SYN3: variants seen among roughly 807,000 people sequenced by gnomAD.
The protein encoded by SYN3 is synapsin III.
SYN3 carries 35 observed loss-of-function variants against 65.8 expected under a neutral mutation model. The ratio of observed to expected loss-of-function variants is 0.53; its 90% CI spans 0.41 to 0.70. The LOEUF (loss-of-function observed/expected upper bound fraction) is 0.70, where lower values mean the gene tolerates loss of function less well. Ranked by LOEUF, SYN3 falls within the 30% of genes least tolerant of loss-of-function variation. The pLI is 0.00. For missense variants in SYN3, 680 were observed against 749.0 expected, an observed-to-expected ratio of 0.91 and a Z score of 1.08; for synonymous variants, 270 against 292.9, an observed-to-expected ratio of 0.92 and a Z score of 0.80.
intron 2 of SYN3, among the ~76,000 whole-genome samples, chr22:32,999,257 C>A (rs546973856): frequency 1.4e-4 from 21 of 152,228 alleles, no homozygotes; most frequent in African/African-American, 4.8e-4. Context: ...GACACCTGAG[C>A]AGGATTTCAA....
intron 3 of SYN3, among the ~76,000 whole-genome samples, chr22:32,948,231 A>G (rs1216196980): frequency 6.6e-6 from 1 of 152,186 alleles, no homozygotes; most frequent in African/African-American, 2.4e-5. Flanking sequence ...CTTAAGGTCC[A>G]TAACTGTAAT....
At chr22:32,791,754 G>A (rs1186168346) in intron 6 of SYN3, among the ~76,000 whole-genome samples, 1 of 151,876 alleles carries the variant, frequency 6.6e-6, no homozygotes, top group Admixed American at 6.6e-5. Flanking sequence ...GGATGGCAAC[G>A]ATGATCTCAT....
chr22:32,769,014 C>T (rs932040904), intron 6 of SYN3, among the ~76,000 whole-genome samples: 4 of 152,308 alleles, frequency 2.6e-5, no homozygotes, highest in Middle Eastern at 3.4e-3. Context: ...TTCACTTGTG[C>T]TCTAGGTATC....
chr22:32,575,547 A>G (rs900786615), intron 7 of SYN3, among the ~76,000 whole-genome samples: 8 of 152,164 alleles, frequency 5.3e-5, no homozygotes, highest in African/African-American at 1.7e-4. Context: ...CTTTTAGCTG[A>G]GGCCACATTT....
intron 6 of SYN3, among the ~76,000 whole-genome samples, chr22:32,840,585 G>C (rs130303): frequency 0.18 from 27,458 of 151,606 alleles, 2,976 homozygotes; most frequent in East Asian, 0.33. Flanking sequence ...CTCTGGCTTT[G>C]CTCAGAGCCC....
chr22:32,713,051 T>C (rs540543237), intron 6 of SYN3, among the ~76,000 whole-genome samples: 49 of 152,312 alleles, frequency 3.2e-4, no homozygotes, highest in African/African-American at 1.2e-3. Flanking sequence ...GTATTTTTTT[T>C]CCCTTTTTTG....
At chr22:32,947,218 A>G (rs1479776148) in intron 3 of SYN3, among the ~76,000 whole-genome samples, 1 of 152,136 alleles carries the variant, frequency 6.6e-6, no homozygotes, top group Non-Finnish European at 1.5e-5. Flanking sequence ...AATTATGTCC[A>G]TGGTCTATTT....
At chr22:32,659,796 G>A in intron 6 of SYN3, among the ~76,000 whole-genome samples, 1 of 152,178 alleles carries the variant, frequency 6.6e-6, no homozygotes, top group Non-Finnish European at 1.5e-5. Context: ...CAGGTGGCAA[G>A]TTGGCCCGCC....
chr22:32,822,467 G>A (rs943339518), intron 6 of SYN3, among the ~76,000 whole-genome samples: 3 of 152,198 alleles, frequency 2.0e-5, no homozygotes, highest in South Asian at 2.1e-4. Context: ...CTGGTGTGAC[G>A]TCTGGGGAGG....
chr22:32,585,596 G>A (rs1008787690), intron 7 of SYN3, among the ~76,000 whole-genome samples: 2 of 152,174 alleles, frequency 1.3e-5, no homozygotes, highest in Non-Finnish European at 2.9e-5. Context: ...GCTCTTTCCA[G>A]TGAACCAAGG....
chr22:32,870,270 G>A (rs1018404651), intron 4 of SYN3, among the ~76,000 whole-genome samples: 4 of 152,074 alleles, frequency 2.6e-5, no homozygotes, highest in African/African-American at 9.7e-5. Context: ...TTGATCCAAT[G>A]ATCAATTTCA....
chr22:32,962,089 G>C (rs551784749), intron 3 of SYN3, among the ~76,000 whole-genome samples: 24 of 149,880 alleles, frequency 1.6e-4, no homozygotes, highest in Non-Finnish European at 3.1e-4. Context: ...AAATACTATA[G>C]AGGAGTCAGT....
At chr22:32,815,267 GC>G (rs2047058102) in intron 6 of SYN3, among the ~76,000 whole-genome samples, 1 of 152,186 alleles carries the variant, frequency 6.6e-6, no homozygotes, top group African/African-American at 2.4e-5. Flanking sequence ...TAACTTCTAG[GC>G]CTTGTGGGTC....
chr22:32,955,072 G>A (rs9609667), intron 3 of SYN3, among the ~76,000 whole-genome samples: 4 of 150,946 alleles, frequency 2.6e-5, no homozygotes, highest in African/African-American at 9.8e-5. Context: ...TCTTGTTCTA[G>A]AACTACTGTC....
At chr22:32,719,899 T>C (rs764803882) in intron 6 of SYN3, among the ~76,000 whole-genome samples, 3 of 151,730 alleles carry the variant, frequency 2.0e-5, no homozygotes, top group Admixed American at 6.6e-5. Flanking sequence ...ATGAGGGAAA[T>C]AGTCTTTCTA....
chr22:32,956,041 C>CATATAT (rs5845054), intron 3 of SYN3, among the ~76,000 whole-genome samples: 1,746 of 130,648 alleles, frequency 0.013, 72 homozygotes, highest in African/African-American at 0.052. Flanking sequence ...AATAAATTCA[C>CATATAT]ATATATATAT....
chr22:32,763,493 T>C (rs189181235), intron 6 of SYN3, among the ~76,000 whole-genome samples: 202 of 152,286 alleles, frequency 1.3e-3, no homozygotes, highest in Non-Finnish European at 2.0e-3. Flanking sequence ...AAGTTTTACA[T>C]TGGTACATAT....
chr22:32,886,113 T>C (rs1023627232), intron 4 of SYN3, among the ~76,000 whole-genome samples: 3 of 152,240 alleles, frequency 2.0e-5, no homozygotes, highest in Admixed American at 1.3e-4. Context: ...AACTGGCTCA[T>C]AAGCTTGTGT....
intron 6 of SYN3, among the ~76,000 whole-genome samples, chr22:32,598,618 A>T: frequency 6.6e-6 from 1 of 151,896 alleles, no homozygotes; most frequent in East Asian, 1.9e-4. Flanking sequence ...CCCAAATAGC[A>T]GGAATTACAG....
Sources: gnomAD v4.1 joint callset for allele counts (sites outside exome capture counted in the v4.1 genomes callset) on GRCh38, gnomAD v4.1.1 for gene constraint, MANE v1.5 for transcripts, NCBI Gene and HGNC (gene_info 2026-07-23, HGNC 2026-07-21) for gene names.